Variants in PLEKHM2 observed in about 807,000 individuals in gnomAD.
PLEKHM2 encodes the protein pleckstrin homology and RUN domain containing M2.
In PLEKHM2, 77 loss-of-function variants were observed where a neutral mutation model predicts 116.3. That is an observed-to-expected ratio of 0.66 (90% CI 0.55 to 0.80). The LOEUF is 0.80. PLEKHM2 is among the 30% of genes least tolerant of loss of function. The pLI is 0.00. For synonymous variants in PLEKHM2, 562 were observed against 571.0 expected, an observed-to-expected ratio of 0.98 and a Z score of 0.22; for missense variants, 1,183 against 1,354.9, an observed-to-expected ratio of 0.87 and a Z score of 1.99.
chr1:15,686,549 C>G (rs948286642), intron 1 of PLEKHM2, among the ~76,000 whole-genome samples: 3 of 151,432 alleles, frequency 2.0e-5, no homozygotes, highest in Non-Finnish European at 4.4e-5. Flanking sequence ...GGTGTGATCT[C>G]GGCTCACTAC....
Position 15,728,159 on chromosome 1 carries a change from G to A in PLEKHM2, c.1830+11G>A. ...GAGCAGCTGTTCAAAGTAAGTCCTA[G>A]GAACTCAGGAGTGAGCAAGAGACGG... On this transcript the variant is annotated intron_variant, in intron 10 of 19. Coordinates refer to ENST00000375799, the MANE Select transcript of PLEKHM2 (RefSeq NM_015164.4). The surrounding 1 kb of genome is among the most constrained non-coding windows in gnomAD (Gnocchi z 5.9). 1 of 1,610,036 alleles carries A rather than the reference G, an allele frequency of 6.2e-7. No homozygotes were observed. The highest frequency in any genetic ancestry group is 1.7e-5 in the Admixed American group (1 of 59,534).
intron 1 of PLEKHM2, among the ~76,000 whole-genome samples, chr1:15,693,687 C>G (rs1044205837): frequency 1.3e-5 from 2 of 152,326 alleles, no homozygotes; most frequent in East Asian, 3.9e-4. Flanking sequence ...AGAACTCATC[C>G]AGCTGGAGCC....
intron 1 of PLEKHM2, among the ~76,000 whole-genome samples, chr1:15,705,104 C>T (rs559755444): frequency 2.0e-5 from 3 of 151,612 alleles, no homozygotes; most frequent in African/African-American, 7.3e-5. Flanking sequence ...GCTGGCGGCA[C>T]CCCCCCTGCC....
intron 3 of PLEKHM2, 118 bp downstream of exon 3, chr1:15,716,934 T>C: frequency 7.9e-7 from 1 of 1,265,868 alleles, no homozygotes; most frequent in Non-Finnish European, 1.1e-6. Context: ...TACCTGGTGG[T>C]GTCCAGTAGC....
chr1:15,685,612 C>T (rs1046012673), intron 1 of PLEKHM2, among the ~76,000 whole-genome samples: 2 of 149,224 alleles, frequency 1.3e-5, no homozygotes, highest in African/African-American at 4.9e-5. Context: ...AGGGACTCAG[C>T]AGCTTATTTT....
chr1:15,705,466 G>A (rs145245383), intron 1 of PLEKHM2, among the ~76,000 whole-genome samples: 20 of 152,150 alleles, frequency 1.3e-4, no homozygotes, highest in African/African-American at 4.8e-4. Flanking sequence ...ATAGGCGTGA[G>A]CCACTGTGCC....
At chr1:15,725,070 G>T (rs1300144375) in intron 7 of PLEKHM2, among the ~76,000 whole-genome samples, 1 of 152,186 alleles carries the variant, frequency 6.6e-6, no homozygotes, top group Non-Finnish European at 1.5e-5. Flanking sequence ...CACAAACTCA[G>T]CCAAATTGTT....
At chr1:15,700,762 A>G (rs1334936389) in intron 1 of PLEKHM2, among the ~76,000 whole-genome samples, 3 of 152,178 alleles carry the variant, frequency 2.0e-5, no homozygotes, top group African/African-American at 4.8e-5. Context: ...ATCGCAGAGG[A>G]GAGTCTCTGC....
Position 15,727,629 on chromosome 1 carries a change from TACC to T in PLEKHM2, c.1560_1562del (p.Thr521del). On this transcript the variant is annotated inframe_deletion, in exon 9 of 20. Transcript: ENST00000375799. This position sits in a 1 kb window ranked among gnomAD's most constrained non-coding sequence, Gnocchi z 7.5. ...GACAGACGCCTCGGCCCCTAGAGGA[TACC>T]ACGAGGGAGGCTCAGGAGCTGGAGG... The T allele has an allele frequency of 3.1e-6, 5 of 1,591,152 alleles. No individual in the cohort carries two copies. In the South Asian group the frequency reaches 5.7e-5, roughly 18 times the overall value.
rs1361252513 is a variant in PLEKHM2, at chr1:15,686,647, A to ATTT, written c.60+2029_60+2030insTTT. ...AGGTGTGCGCCACCACACCCGGCTA[A>ATTT]ATTTTTTTTTTTTTTTTTTGAGACG... is the stretch of plus-strand genomic sequence containing the variant. On this transcript the variant is annotated intron_variant, in intron 1 of 19. Coordinates refer to ENST00000375799, the MANE Select transcript of PLEKHM2 (RefSeq NM_015164.4). 3.8e-3 allele frequency among the ~76,000 whole-genome samples: 533 copies of ATTT among 140,912 alleles called. 19 individuals are homozygous for ATTT. The highest frequency in any genetic ancestry group is 0.011 in the African/African-American group (382 of 33,596). The allele number at this position is 140,912 out of a possible 152,430, so 92.4% of individuals were successfully genotyped here.
chr1:15,716,171 T>G, intron 1 of PLEKHM2, 66 bp from the exon 2 acceptor site: 1 of 1,022,940 alleles, frequency 9.8e-7, no homozygotes, highest in Non-Finnish European at 1.5e-6. Flanking sequence ...ACCTTCTTGA[T>G]TCCAGAACTT....
At chr1:15,687,417 G>A (rs144549922) in intron 1 of PLEKHM2, among the ~76,000 whole-genome samples, 5,634 of 152,024 alleles carry the variant, frequency 0.037, 355 homozygotes, top group African/African-American at 0.13. Context: ...CTCATGATCC[G>A]CTCACCTCGG....
At chr1:15,731,648 C>T (rs948090891) in intron 16 of PLEKHM2, among the ~76,000 whole-genome samples, 1 of 152,176 alleles carries the variant, frequency 6.6e-6, no homozygotes, top group East Asian at 1.9e-4. Context: ...CCTGGCCATG[C>T]TTGGGTATCT....
chr1:15,726,951 C>G (rs988322847), intron 8 of PLEKHM2, 63 bp from the exon 9 acceptor site: 31 of 1,138,744 alleles, frequency 2.7e-5, no homozygotes, highest in Non-Finnish European at 3.7e-5. Context: ...CGTGACCCAG[C>G]CTGGTTTTCC....
chr1:15,686,721 T>C (rs1640779320), intron 1 of PLEKHM2, among the ~76,000 whole-genome samples: 1 of 149,548 alleles, frequency 6.7e-6, no homozygotes, highest in African/African-American at 2.5e-5. Flanking sequence ...TGATCTCCGC[T>C]CAGTGCAAGC....
intron 1 of PLEKHM2, among the ~76,000 whole-genome samples, chr1:15,707,392 C>A (rs1641247549): frequency 6.6e-6 from 1 of 152,164 alleles, no homozygotes; most frequent in Admixed American, 6.5e-5. Flanking sequence ...TTACTGCACT[C>A]TAGCCTGGGC....
Position 15,728,628 on chromosome 1 carries a change from AG to A in PLEKHM2, c.1922-39del. On this transcript the variant is annotated intron_variant, in intron 11 of 19. Coordinates refer to ENST00000375799, the MANE Select transcript of PLEKHM2 (RefSeq NM_015164.4). This position sits in a 1 kb window ranked among gnomAD's most constrained non-coding sequence, Gnocchi z 5.9. ...AAAATGGGGCAGGGGGAGGGAAAAG[AG>A]GCCTGTGGGGATAATAGGCCTTGGG... is the stretch of plus-strand genomic sequence containing the variant. The A allele has an allele frequency of 6.5e-7, 1 of 1,549,438 alleles. No individual in the cohort carries two copies. The highest frequency in any genetic ancestry group is 8.8e-7 in the Non-Finnish European group (1 of 1,132,682).
chr1:15,708,128 A>G (rs1571039656), intron 1 of PLEKHM2, among the ~76,000 whole-genome samples: 1 of 151,792 alleles, frequency 6.6e-6, no homozygotes, highest in Non-Finnish European at 1.5e-5. Flanking sequence ...CAAGTGATCC[A>G]CCTGCCTCGG....
chr1:15,706,779 A>T (rs1438527667), intron 1 of PLEKHM2, among the ~76,000 whole-genome samples: 1 of 151,906 alleles, frequency 6.6e-6, no homozygotes, highest in Admixed American at 6.6e-5. Context: ...CATTTTTTTC[A>T]TAGCACTTAC....
Sources: gnomAD v4.1 joint callset for allele counts (sites outside exome capture counted in the v4.1 genomes callset) on GRCh38, gnomAD v4.1.1 for gene constraint, Gnocchi (gnomAD v3.1) non-coding constraint, MANE v1.5 for transcripts, NCBI Gene and HGNC (gene_info 2026-07-23, HGNC 2026-07-21) for gene names.